FLG: variants seen among roughly 807,000 people sequenced by gnomAD.
FLG encodes epidermal filaggrin.
Under a neutral mutation model 3.8 loss-of-function variants are expected in FLG, and 6 were observed. The ratio of observed to expected loss-of-function variants is 1.60; its 90% CI spans 0.87 to 3.15. The LOEUF (loss-of-function observed/expected upper bound fraction) is 3.15. FLG is among the 30% of genes most tolerant of loss of function. The pLI, the probability that FLG is intolerant of heterozygous loss-of-function variation, is 0.00. For missense variants in FLG, 7,595 were observed against 5,050.9 expected (o/e 1.50, Z -15.27); for synonymous variants, 2,551 against 1,931.6 (o/e 1.32, Z -8.41).
At chr1:152,317,427 T>A (rs1284941058) in intron 1 of FLG, among the ~76,000 whole-genome samples, 2 of 152,110 alleles carry the variant, frequency 1.3e-5, no homozygotes, top group African/African-American at 2.4e-5. Context: ...AAGTAAAAAA[T>A]ATCCTTCATA....
At chr1:152,315,901 T>C (rs1462410609) in intron 1 of FLG, among the ~76,000 whole-genome samples, 1 of 152,248 alleles carries the variant, frequency 6.6e-6, no homozygotes, top group Non-Finnish European at 1.5e-5. Flanking sequence ...GACACAATTC[T>C]CTGAAAGCCA....
intron 1 of FLG, among the ~76,000 whole-genome samples, chr1:152,324,173 C>T (rs1224971584): frequency 6.6e-6 from 1 of 151,870 alleles, no homozygotes; most frequent in Non-Finnish European, 1.5e-5. Flanking sequence ...TCTCTCCCTG[C>T]TCCTGCTCTT....
rs144821977 is a variant in FLG, at chr1:152,312,606, C to G, written c.2280G>C (p.Gln760His). The G allele has an allele frequency of 2.2e-3, 3,528 of 1,613,072 alleles. 152 individuals are homozygous for G. In the Admixed American group the frequency reaches 0.055, roughly 25 times the overall value. The change falls in exon 3 of 3, where the codon CAG (glutamine) becomes CAC (histidine). Residue 760 changes from glutamine (Q) to histidine (H), a missense_variant. Transcript: ENST00000368799. Reference sequence around the variant, plus strand: ...CAGCCTGTCCATGGCCTGACACTGACTGTGTGTCTGAGTCTTCTGAATGTC... The same window carrying G: ...CAGCCTGTCCATGGCCTGACACTGAGTGTGTGTCTGAGTCTTCTGAATGTC... Reference protein sequence around the residue: ...SEGHSEDSDTQSVSGHGQAGH... With the variant: ...SEGHSEDSDTHSVSGHGQAGH...
chr1:152,311,442 C>G lies in FLG; in HGVS notation c.3444G>C (p.Gln1148His). 1 of 1,613,902 alleles carries G rather than the reference C, an allele frequency of 6.2e-7. No individual in the cohort carries two copies. Among genetic ancestry groups the G allele is most frequent in the Non-Finnish European group, 8.5e-7 (1 of 1,179,952 alleles). Residue 1148 changes from glutamine (Q) to histidine (H), a missense_variant, in exon 3 of 3, where the codon CAG becomes CAC. Physicochemically the swap from Gln to His is conservative, Grantham distance 24 (BLOSUM62 0). Coordinates refer to ENST00000368799, the MANE Select transcript of FLG (RefSeq NM_002016.2). ...TGRRQGSHHEQARDSSRHSAS... is the reference protein window; with the variant it reads ...TGRRQGSHHEHARDSSRHSAS... ...CTGAGTGCCTGGAGCTGTCTCGTGC[C>G]TGCTCGTGGTGGGATCCTTGTCTTC...
At chr1:152,314,776 C>A in intron 2 of FLG, 29 bp from the exon 3 acceptor site, 1 of 1,613,476 alleles carries the variant, frequency 6.2e-7, no homozygotes, top group Non-Finnish European at 8.5e-7. Flanking sequence ...CAGAGGGAGA[C>A]TGCATCAGAC....
chr1:152,303,705 A>C lies in FLG; in HGVS notation c.11181T>G (p.Ala3727=). The change falls in exon 3 of 3, where the codon GCT becomes GCG. Residue 3727 remains alanine, a synonymous_variant. Coordinates refer to ENST00000368799, the MANE Select transcript of FLG (RefSeq NM_002016.2). Reference sequence around the variant, plus strand: ...CTTGTCTTCCTCCAGTACTGGGCCCAGCCCGTCCATGGGCAGACTCAGACT... The same window carrying C: ...CTTGTCTTCCTCCAGTACTGGGCCCCGCCCGTCCATGGGCAGACTCAGACT... ...HEQSESAHGR[A]GPSTGGRQGS... is the part of the protein sequence containing the mutation. The C allele has an allele frequency of 6.2e-7, 1 of 1,613,808 alleles. No homozygotes were observed. The highest frequency in any genetic ancestry group is 1.7e-5 in the Admixed American group (1 of 59,978).
rs560192097 is a variant in FLG at position 152,313,642 on chromosome 1, C to A, written c.1244G>T (p.Arg415Leu). Residue 415 changes from arginine (R) to leucine (L), a missense_variant, in exon 3 of 3, where the codon CGG becomes CTG. Transcript: ENST00000368799. ...ACTGGCCTGACTACCGCTAGACCCC[C>A]GGTGTCCACGATCGCTGACTGCAGA... ...ASSAVSDRGH[R>L]GSSGSQASDS... is the part of the protein sequence containing the mutation. The A allele has an allele frequency of 3.1e-6, 5 of 1,614,048 alleles. No homozygotes were observed. The highest frequency in any genetic ancestry group is 1.7e-5 in the Admixed American group (1 of 60,006).
rs146106776 is a variant in FLG at position 152,308,434 on chromosome 1, C to A, written c.6452G>T (p.Gly2151Val). The change falls in exon 3 of 3, where the codon GGG becomes GTG. Residue 2151 changes from glycine (G) to valine (V), a missense_variant. Coordinates refer to ENST00000368799, the MANE Select transcript of FLG (RefSeq NM_002016.2). ...HPGPSRGGRQ[G>V]SHQEQSVDRS... ...ATCTACCGATTGCTCTTGGTGGGAC[C>A]CCTGTCTTCCTCCTCTGCTTGGCCC... 2 of 1,613,734 alleles carry A rather than the reference C, an allele frequency of 1.2e-6. No homozygotes were observed. The highest frequency in any genetic ancestry group is 1.7e-6 in the Non-Finnish European group (2 of 1,179,856).
chr1:152,309,769 A>T lies in FLG; in HGVS notation c.5117T>A (p.Val1706Asp). 1 of 1,613,470 alleles carries T rather than the reference A, an allele frequency of 6.2e-7. No individual in the cohort carries two copies. Among genetic ancestry groups the T allele is most frequent in the Non-Finnish European group, 8.5e-7 (1 of 1,179,912 alleles). ...GGACCCTCGGTTTCCACTGTCTCCG[A>T]CTACAGATGAATCTTGTCTGCGCCC... ...GTGRRQDSSV[V>D]GDSGNRGSSG... Residue 1706 changes from valine to aspartate, a missense_variant, in exon 3 of 3, where the codon GTC becomes GAC. Val to Asp is a radical substitution (Grantham distance 152). Coordinates refer to ENST00000368799, the MANE Select transcript of FLG (RefSeq NM_002016.2).
chr1:152,302,892 A>C lies in FLG; in HGVS notation c.11994T>G (p.Ser3998Arg). 1.2e-6 allele frequency: 2 copies of C among 1,614,196 alleles called. No homozygotes were observed. Among genetic ancestry groups the C allele is most frequent in the African/African-American group, 1.3e-5 (1 of 75,046 alleles). Residue 3998 changes from serine (S) to arginine (R), a missense_variant, in exon 3 of 3, where the codon AGT becomes AGG. Physicochemically the swap from Ser to Arg is moderately radical, Grantham distance 110. Coordinates refer to ENST00000368799, the MANE Select transcript of FLG (RefSeq NM_002016.2). ...CAACAGGATTGGAATTGTAACTAAC[A>C]CTTCCGTGCTGAGAGTGTCTAAACC... ...ESGFRHSQHGSVSYNSNPVVF... is the reference protein window; with the variant it reads ...ESGFRHSQHGRVSYNSNPVVF...
At position 152,312,817 on chromosome 1, in the gene FLG, C is replaced by T. The variant is rs1454533732; in HGVS notation, c.2069G>A (p.Ser690Asn). The change falls in exon 3 of 3, where the codon AGT becomes AAT. Residue 690 changes from serine to asparagine, a missense_variant. Coordinates refer to ENST00000368799, the MANE Select transcript of FLG (RefSeq NM_002016.2). ...TTCATGGGATGACGCAGCCTGTCCA[C>T]TAGAGGAATTCTGTGTGTGACGAGT... Reference protein sequence around the residue: ...SGTRHTQNSSSGQAASSHEQA... With the variant: ...SGTRHTQNSSNGQAASSHEQA... 3.7e-6 allele frequency: 6 copies of T among 1,613,956 alleles called. No homozygotes were observed. Among genetic ancestry groups the T allele is most frequent in the African/African-American group, 1.3e-5 (1 of 74,834 alleles).
In FLG at chr1:152,308,099, C is replaced by G; in HGVS notation, c.6787G>C (p.Ala2263Pro). The stretch of plus-strand genomic sequence containing the variant: ...GCAGATCCATGATGGTTTCTGGACG[C>G]AGACCCAGACCGCCTCTCAGAATCT... ...SEDSERRSGS[A>P]SRNHHGSAQE... Residue 2263 changes from alanine to proline, a missense_variant, in exon 3 of 3, where the codon GCG becomes CCG. Coordinates refer to ENST00000368799, the MANE Select transcript of FLG (RefSeq NM_002016.2). 6.2e-7 allele frequency: 1 copy of G among 1,613,966 alleles called. No homozygotes were observed. Among genetic ancestry groups the G allele is most frequent in the South Asian group, 1.1e-5 (1 of 91,066 alleles).
chr1:152,312,351 C>T lies in FLG; in HGVS notation c.2535G>A (p.Pro845=), dbSNP rs148002225. Residue 845 remains proline (P), a synonymous_variant, in exon 3 of 3, where the codon CCG becomes CCA. Transcript: ENST00000368799. ...QDGQDTIRGH[P]GSSRRGRQGS... ...CCTGCCTTCCTCTTCTGCTTGACCC[C>T]GGGTGTCCACGAATGGTGTCCTGAC... 4.5e-5 allele frequency: 72 copies of T among 1,611,724 alleles called. 1 individual carries two copies. In the African/African-American group the frequency reaches 6.6e-4, roughly 15 times the overall value.
At position 152,308,129 on chromosome 1, in the gene FLG, A is replaced by C; in HGVS notation, c.6757T>G (p.Ser2253Ala). The stretch of plus-strand genomic sequence containing the variant: ...CCAGACCGCCTCTCAGAATCTTCTG[A>C]GTGTCCCTCACTGTCACTGTCCTGG... ...VSQDSDSEGH[S>A]EDSERRSGSA... Residue 2253 changes from serine to alanine, a missense_variant, in exon 3 of 3, where the codon TCA becomes GCA. Coordinates refer to ENST00000368799, the MANE Select transcript of FLG (RefSeq NM_002016.2). 9 of 1,613,824 alleles carry C rather than the reference A, an allele frequency of 5.6e-6. No individual in the cohort carries two copies. Among genetic ancestry groups the C allele is most frequent in the Non-Finnish European group, 7.6e-6 (9 of 1,179,968 alleles).
Position 152,308,810 on chromosome 1 carries a change from G to T in FLG, c.6076C>A (p.Gln2026Lys). Residue 2026 changes from glutamine (Q) to lysine (K), a missense_variant, in exon 3 of 3, where the codon CAA (glutamine) becomes AAA (lysine). Gln to Lys is a moderately conservative substitution (Grantham distance 53, BLOSUM62 1). Coordinates refer to ENST00000368799, the MANE Select transcript of FLG (RefSeq NM_002016.2). ...CTGTCTCTGACTGCAGATGAAGCTT[G>T]TCCATGCCCAATGCCTGAGTGTCTG... ...SSRHSGIGHG[Q>K]ASSAVRDSGH... The T allele has an allele frequency of 6.2e-7, 1 of 1,614,166 alleles. No homozygotes were observed. Among genetic ancestry groups the T allele is most frequent in the Non-Finnish European group, 8.5e-7 (1 of 1,180,022 alleles).
rs747832893 is a variant in FLG at position 152,311,787 on chromosome 1, G to A, written c.3099C>T (p.His1033=). 837 of 1,613,840 alleles carry A rather than the reference G, an allele frequency of 5.2e-4. No individual in the cohort carries two copies. The highest frequency in any genetic ancestry group is 6.5e-4 in the Non-Finnish European group (771 of 1,179,960). The part of the protein sequence containing the change: ...EQARSSPGER[H]GSRHQQSADS... ...CTGCTGACTGCTGGTGGCGGGATCC[G>A]TGTCTTTCTCCTGGACTTGATCTTG... Residue 1033 remains histidine, a synonymous_variant, in exon 3 of 3, where the codon CAC becomes CAT. Coordinates refer to ENST00000368799, the MANE Select transcript of FLG (RefSeq NM_002016.2).
At position 152,308,757 on chromosome 1, in the gene FLG, C is replaced by G; in HGVS notation, c.6129G>C (p.Gln2043His). ...CTGAATGTCCCTCACTGTCACTGGC[C>G]TGACTACCACTGTACCCTCGGTGTC... is the stretch of plus-strand genomic sequence containing the variant. ...DSGHRGYSGS[Q>H]ASDSEGHSED... is the part of the protein sequence containing the mutation. Residue 2043 changes from glutamine to histidine, a missense_variant, in exon 3 of 3, where the codon CAG becomes CAC. By Grantham distance (24) the Gln-to-His change is conservative. Transcript: ENST00000368799. The G allele has an allele frequency of 6.2e-7, 1 of 1,614,178 alleles. No homozygotes were observed.
Position 152,309,836 on chromosome 1 carries a change from G to T in FLG, c.5050C>A (p.Arg1684Ser), listed in dbSNP as rs766130240. 17 of 1,614,074 alleles carry T rather than the reference G, an allele frequency of 1.1e-5. No individual in the cohort carries two copies. Among genetic ancestry groups the T allele is most frequent in the Non-Finnish European group, 1.4e-5 (17 of 1,180,014 alleles). The change falls in exon 3 of 3, where the codon CGC (arginine) becomes AGC (serine). Residue 1684 changes from arginine (R) to serine (S), a missense_variant. Coordinates refer to ENST00000368799, the MANE Select transcript of FLG (RefSeq NM_002016.2). ...GAGCTGTCTGCTGACTGCTGGTGGC[G>T]GGATCCATGTCTTTCTCCTGGACTT... ...RSSPGERHGS[R>S]HQQSADSSTD... is the part of the protein sequence containing the mutation.
Position 152,307,553 on chromosome 1 carries a change from G to T in FLG, c.7333C>A (p.Gln2445Lys). ...TGGRQGSHHK[Q>K]ARDSSRHSTS... is the part of the protein sequence containing the mutation. ...GAGTGCCTGGAGCTGTCTCGTGCCT[G>T]CTTGTGGTGGGATCCTTGTCTTCCT... The change falls in exon 3 of 3, where the codon CAG (glutamine) becomes AAG (lysine). Residue 2445 changes from glutamine (Q) to lysine (K), a missense_variant. Gln to Lys is a moderately conservative substitution (Grantham distance 53). Transcript: ENST00000368799. 6.2e-6 allele frequency: 10 copies of T among 1,613,842 alleles called. No individual in the cohort carries two copies. The highest frequency in any genetic ancestry group is 8.5e-6 in the Non-Finnish European group (10 of 1,179,948).
Sources: allele counts gnomAD v4.1 joint callset (sites outside exome capture counted in the v4.1 genomes callset), GRCh38; gene constraint gnomAD v4.1.1; transcripts MANE v1.5; gene names NCBI Gene and HGNC (gene_info 2026-07-23, HGNC 2026-07-21).